Variants in TANGO6 observed in about 807,000 individuals in gnomAD.
TANGO6 encodes transport and golgi organization 6 homolog, also known as transport and Golgi organization protein 6 homolog.
Under a neutral mutation model 114.2 loss-of-function variants are expected in TANGO6, and 90 were observed. The observed-to-expected ratio is 0.79, with a 90% CI of 0.66 to 0.94. The LOEUF (loss-of-function observed/expected upper bound fraction) is 0.94. TANGO6 is among the 40% of genes least tolerant of loss of function. The pLI is 0.00. For synonymous variants in TANGO6, 477 were observed against 509.8 expected, an observed-to-expected ratio of 0.94 and a Z score of 0.87; for missense variants, 1,274 against 1,315.3, an observed-to-expected ratio of 0.97 and a Z score of 0.49.
At chr16:69,063,643 C>CAAA (rs770332921) in intron 17 of TANGO6, among the ~76,000 whole-genome samples, 469 of 35,742 alleles carry the variant, frequency 0.013, 44 homozygotes, top group African/African-American at 0.017. Context: ...ACTCCATCTC[C>CAAA]AAAAAAAAAA....
At chr16:68,883,340 A>C (rs1037706740) in intron 7 of TANGO6, among the ~76,000 whole-genome samples, 15 of 152,278 alleles carry the variant, frequency 9.9e-5, no homozygotes, top group Admixed American at 9.8e-4. Flanking sequence ...TGTCTCTACT[A>C]AGAATACAAA....
At position 69,073,592 on chromosome 16, in the gene TANGO6, C is replaced by T. The variant is rs535696404; in HGVS notation, c.3109-9893C>T. On this transcript the variant is annotated intron_variant, in intron 17 of 17. Coordinates refer to ENST00000261778, the MANE Select transcript of TANGO6 (RefSeq NM_024562.2). ...ATAGCGGTGGAGAGTCATCCTCTGC[C>T]GGGAATTAGCTCATTTTCATGCGGC... Among the ~76,000 whole-genome samples the T allele has an allele frequency of 1.1e-4, 17 of 152,230 alleles. No individual in the cohort carries two copies. The East Asian group carries it at 2.7e-3, about 24-fold the overall frequency.
At chr16:68,856,397 A>G (rs1346859593) in intron 1 of TANGO6, among the ~76,000 whole-genome samples, 1 of 152,208 alleles carries the variant, frequency 6.6e-6, no homozygotes, top group Non-Finnish European at 1.5e-5. Context: ...ACACTGATTG[A>G]GTGTCAAGTG....
chr16:69,050,032 A>G (rs897925781), intron 17 of TANGO6, among the ~76,000 whole-genome samples: 2 of 152,224 alleles, frequency 1.3e-5, no homozygotes, highest in Non-Finnish European at 2.9e-5. Context: ...CAATGCTGCT[A>G]TGAACATTTG....
chr16:69,032,875 CAAAAAA>C (rs11300295), intron 16 of TANGO6, among the ~76,000 whole-genome samples: 1 of 124,102 alleles, frequency 8.1e-6, no homozygotes. Context: ...GACTCCATCT[CAAAAAA>C]AAAAAAAAAA....
chr16:68,936,611 A>G (rs1304596736), intron 14 of TANGO6, among the ~76,000 whole-genome samples: 2 of 152,216 alleles, frequency 1.3e-5, no homozygotes, highest in Non-Finnish European at 2.9e-5. Context: ...CTGGGATTAC[A>G]GGCGTGAGCC....
At position 68,863,464 on chromosome 16, in the gene TANGO6, G is replaced by T. The variant is rs760621728; in HGVS notation, c.852+403G>T. Among the ~76,000 whole-genome samples, 4 of 152,112 alleles carry T rather than the reference G, an allele frequency of 2.6e-5. 1 individual carries two copies. In the South Asian group the frequency reaches 6.2e-4, roughly 24 times the overall value. On this transcript the variant is annotated intron_variant, in intron 3 of 17. Transcript: ENST00000261778. The stretch of plus-strand genomic sequence containing the variant: ...TACTAACAATACAAAAAAACAATTA[G>T]CTGGGTGTGGTGGTGCATGCCTGCA...
At chr16:69,059,097 C>T (rs1441005505) in intron 17 of TANGO6, among the ~76,000 whole-genome samples, 3 of 147,774 alleles carry the variant, frequency 2.0e-5, no homozygotes, top group East Asian at 2.0e-4. Flanking sequence ...TTTTTTGAGA[C>T]GGAGTCTTGC....
chr16:68,994,153 G>T (rs890397296), intron 15 of TANGO6, among the ~76,000 whole-genome samples: 3 of 152,170 alleles, frequency 2.0e-5, no homozygotes, highest in Admixed American at 6.5e-5. Context: ...GTTTCAAATT[G>T]TCTATGTTTC....
At chr16:68,981,399 C>T (rs907786063) in intron 15 of TANGO6, among the ~76,000 whole-genome samples, 1 of 151,726 alleles carries the variant, frequency 6.6e-6, no homozygotes, top group Non-Finnish European at 1.5e-5. Flanking sequence ...TTAGTAGAGA[C>T]GGGTTTTTGC....
chr16:68,909,240 AAC>A lies in TANGO6; in HGVS notation c.1832_1833del (p.Thr611ArgfsTer5), dbSNP rs1444881615. The A allele has an allele frequency of 1.3e-6, 2 of 1,593,178 alleles. No individual in the cohort carries two copies. The highest frequency in any genetic ancestry group is 1.7e-6 in the Non-Finnish European group (2 of 1,168,664). On this transcript the variant is annotated frameshift_variant, in exon 11 of 18. Coordinates refer to ENST00000261778, the MANE Select transcript of TANGO6 (RefSeq NM_024562.2). LOFTEE classifies it high-confidence loss of function. ...TGACTCATGTGGCCTCGGAAAATGA[AAC>A]AGAGTTAAAAACTGAGCCCTTCTCC... ...ELTHVASENE[T>X]ELKTEPFSSK... is the part of the protein sequence containing the mutation.
At position 68,975,978 on chromosome 16, in the gene TANGO6, A is replaced by T. The variant is rs546161724; in HGVS notation, c.2842+1810A>T. Among the ~76,000 whole-genome samples the T allele has an allele frequency of 4.6e-5, 7 of 152,242 alleles. No homozygotes were observed. In the South Asian group the frequency reaches 1.2e-3, roughly 27 times the overall value. ...GCAACAGTGTCTCCCTCTGTTGCCC[A>T]CATTGGAGTTCATTGGCACGGTCAT... is the stretch of plus-strand genomic sequence containing the variant. On this transcript the variant is annotated intron_variant, in intron 15 of 17. Coordinates refer to ENST00000261778, the MANE Select transcript of TANGO6 (RefSeq NM_024562.2).
chr16:68,936,813 A>T (rs990081093), intron 14 of TANGO6, among the ~76,000 whole-genome samples: 12 of 151,980 alleles, frequency 7.9e-5, no homozygotes, highest in Non-Finnish European at 1.5e-5. Flanking sequence ...AAAAAAATAA[A>T]AAAAAAAAAC....
rs944304697 is a variant in TANGO6, at chr16:68,924,963, G to C, written c.2128-2605G>C. Among the ~76,000 whole-genome samples, 5 of 152,046 alleles carry C rather than the reference G, an allele frequency of 3.3e-5. No individual in the cohort carries two copies. In the East Asian group the frequency reaches 9.7e-4, roughly 29 times the overall value. Reference sequence around the variant, plus strand: ...CCAGGTCACACCCTTGATCAGGGAGGGATCAAGGTGCTTCTGCCATGCCCA... The same window carrying C: ...CCAGGTCACACCCTTGATCAGGGAGCGATCAAGGTGCTTCTGCCATGCCCA... On this transcript the variant is annotated intron_variant, in intron 12 of 17. Coordinates refer to ENST00000261778, the MANE Select transcript of TANGO6 (RefSeq NM_024562.2).
intron 14 of TANGO6, among the ~76,000 whole-genome samples, chr16:68,968,729 G>A (rs1451186464): frequency 7.0e-6 from 1 of 142,088 alleles, no homozygotes; most frequent in Non-Finnish European, 1.5e-5. Flanking sequence ...GGAGTGCAGT[G>A]GCATGATCTC....
At chr16:68,846,900 T>C (rs1961816779) in intron 1 of TANGO6, 1 of 151,830 alleles carries the variant, frequency 6.6e-6, no homozygotes, top group African/African-American at 2.4e-5. Context: ...TACCTTTTTT[T>C]TTTTTTTGTG....
At chr16:69,003,920 C>T (rs548748389) in intron 15 of TANGO6, among the ~76,000 whole-genome samples, 1 of 151,884 alleles carries the variant, frequency 6.6e-6, no homozygotes, top group Non-Finnish European at 1.5e-5. Flanking sequence ...CTTTCCCCTA[C>T]TTACTGTTTT....
At chr16:68,872,957 C>A (rs1962300879) in intron 4 of TANGO6, among the ~76,000 whole-genome samples, 1 of 151,412 alleles carries the variant, frequency 6.6e-6, no homozygotes, top group Non-Finnish European at 1.5e-5. Context: ...CCTGCCTCGG[C>A]CTCCCAAAGT....
intron 17 of TANGO6, 70 bp downstream of exon 17, chr16:69,040,491 A>T: frequency 7.6e-7 from 1 of 1,316,792 alleles, no homozygotes; most frequent in South Asian, 1.3e-5. Context: ...TCTTCCTTTT[A>T]CCAGGGAAGG....
Sources: allele counts gnomAD v4.1 joint callset (sites outside exome capture counted in the v4.1 genomes callset), GRCh38; gene constraint gnomAD v4.1.1; transcripts MANE v1.5; gene names NCBI Gene and HGNC (gene_info 2026-07-23, HGNC 2026-07-21).